The following ANKS1A variants were observed in gnomAD, a reference collection of about 807,000 sequenced individuals.
The protein encoded by ANKS1A is ankyrin repeat and sterile alpha motif domain containing 1A.
A neutral mutation model predicts 120.3 loss-of-function variants in ANKS1A; 55 were observed. That is an observed-to-expected ratio of 0.46 (90% CI 0.37 to 0.57). The LOEUF (loss-of-function observed/expected upper bound fraction) is 0.57, where lower values mean the gene tolerates loss of function less well. Among genes scored for constraint, ANKS1A ranks in the 20% least tolerant of loss-of-function variants. The probability of loss-of-function intolerance (pLI) is 0.00; values close to 1 mark genes in which losing one functional copy is unlikely to be tolerated. For missense variants in ANKS1A, 1,123 were observed against 1,480.3 expected (o/e 0.76, Z 3.96); for synonymous variants, 590 against 604.7 (o/e 0.98, Z 0.36).
chr6:35,059,547 C>T (rs1261351170), intron 12 of ANKS1A, among the ~76,000 whole-genome samples: 8 of 152,356 alleles, frequency 5.3e-5, no homozygotes, highest in African/African-American at 1.4e-4. Flanking sequence ...GAACAGCCGC[C>T]GCTGCTGCTT....
chr6:35,065,322 C>T (rs919547859), intron 13 of ANKS1A, among the ~76,000 whole-genome samples: 3 of 152,164 alleles, frequency 2.0e-5, no homozygotes, highest in Non-Finnish European at 2.9e-5. Context: ...TCTCCAGTCC[C>T]CTTTACAGTA....
intron 11 of ANKS1A, among the ~76,000 whole-genome samples, chr6:35,043,747 C>A (rs765339143): frequency 6.6e-6 from 1 of 152,164 alleles, no homozygotes; most frequent in South Asian, 2.1e-4. Context: ...TGGATCTGGG[C>A]CCTTTCTTCC....
At chr6:35,045,862 A>G (rs770211553) in intron 11 of ANKS1A, among the ~76,000 whole-genome samples, 1 of 152,022 alleles carries the variant, frequency 6.6e-6, no homozygotes, top group Non-Finnish European at 1.5e-5. Context: ...AACACCCTGC[A>G]AGTCTTGAGT....
intron 1 of ANKS1A, among the ~76,000 whole-genome samples, chr6:34,918,364 G>A (rs1174573936): frequency 6.6e-6 from 1 of 152,142 alleles, no homozygotes. Context: ...CCAAAATGGG[G>A]GTGGTAATAG....
intron 1 of ANKS1A, among the ~76,000 whole-genome samples, chr6:34,947,142 C>CTTTT (rs71002514): frequency 2.0e-4 from 20 of 101,984 alleles, no homozygotes; most frequent in African/African-American, 4.8e-4. Flanking sequence ...ATAGTAGACT[C>CTTTT]TTTTTTTTTT....
At chr6:34,916,295 T>C (rs1419274177) in intron 1 of ANKS1A, among the ~76,000 whole-genome samples, 1 of 152,192 alleles carries the variant, frequency 6.6e-6, no homozygotes, top group Non-Finnish European at 1.5e-5. Context: ...GCCCAGCCCA[T>C]GTCTGCATCT....
In ANKS1A at chr6:35,086,860, G is replaced by A; in HGVS notation, c.3304-92G>A. The A allele has an allele frequency of 3.9e-6, 5 of 1,276,318 alleles. No homozygotes were observed. The highest frequency in any genetic ancestry group is 5.7e-6 in the Non-Finnish European group (5 of 876,066). 79.1% of individuals were successfully genotyped at this position (1,276,318 alleles called of 1,614,324 possible). A position where few individuals can be genotyped will look rare whatever the true frequency, so the allele number is the denominator to read the frequency against. On this transcript the variant is annotated intron_variant, in intron 22 of 23. Coordinates refer to ENST00000360359, the MANE Select transcript of ANKS1A (RefSeq NM_015245.3). This position sits in a 1 kb window ranked among gnomAD's most constrained non-coding sequence, Gnocchi z 5.1. ...AAGGGCTGCCCCTCCCAGCACAGGGGCCACAGCCTGGCCTGGGGGTGGGAG... is the reference window on the plus strand; with the variant it reads ...AAGGGCTGCCCCTCCCAGCACAGGGACCACAGCCTGGCCTGGGGGTGGGAG...
chr6:35,023,334 CTG>C (rs1774446393), intron 11 of ANKS1A, among the ~76,000 whole-genome samples: 1 of 152,148 alleles, frequency 6.6e-6, no homozygotes, highest in Non-Finnish European at 1.5e-5. Context: ...GTTTTTGGCA[CTG>C]TTTCTATCAA....
At chr6:34,911,018 G>A (rs1397699781) in intron 1 of ANKS1A, among the ~76,000 whole-genome samples, 1 of 152,208 alleles carries the variant, frequency 6.6e-6, no homozygotes, top group African/African-American at 2.4e-5. Context: ...TCTAGTAGAA[G>A]GGTAGTATTC....
intron 1 of ANKS1A, among the ~76,000 whole-genome samples, chr6:34,924,912 C>T (rs779953468): frequency 7.2e-5 from 11 of 152,292 alleles, no homozygotes; most frequent in African/African-American, 9.6e-5. Context: ...TGAGCCACCA[C>T]GCCTGGCCGA....
chr6:35,005,528 A>C (rs902751484), intron 10 of ANKS1A, among the ~76,000 whole-genome samples: 1 of 152,258 alleles, frequency 6.6e-6, no homozygotes, highest in African/African-American at 2.4e-5. Context: ...ACCAAAAGAC[A>C]GTAGCAGAGA....
intron 11 of ANKS1A, chr6:35,039,702 C>T: frequency 2.2e-6 from 1 of 449,728 alleles, no homozygotes; most frequent in South Asian, 1.6e-5. Flanking sequence ...TGTTTCTGCC[C>T]AGGGCTGTAG....
intron 2 of ANKS1A, 127 bp downstream of exon 2, chr6:34,967,446 G>T: frequency 1.3e-6 from 1 of 773,830 alleles, no homozygotes; most frequent in Non-Finnish European, 2.0e-6. Context: ...CCAGCACTTT[G>T]GGAGGCCGAG....
intron 1 of ANKS1A, among the ~76,000 whole-genome samples, chr6:34,932,382 C>T (rs554140547): frequency 4.6e-5 from 7 of 152,216 alleles, no homozygotes; most frequent in South Asian, 4.1e-4. Context: ...AGGGTTTCAC[C>T]GTGTTGGCCA....
intron 11 of ANKS1A, among the ~76,000 whole-genome samples, chr6:35,040,371 C>T (rs954352425): frequency 5.3e-5 from 8 of 152,356 alleles, no homozygotes; most frequent in Middle Eastern, 3.4e-3. Flanking sequence ...CTGCGGCCCT[C>T]GTCTTCCTTT....
rs992268020 is a variant in ANKS1A at position 35,049,768 on chromosome 6, A to G, written c.2011-4331A>G. Among the ~76,000 whole-genome samples, 3 of 152,188 alleles carry G rather than the reference A, an allele frequency of 2.0e-5. No homozygotes were observed. In the East Asian group the frequency reaches 5.8e-4, roughly 29 times the overall value. On this transcript the variant is annotated intron_variant, in intron 11 of 23. Transcript: ENST00000360359. Reference sequence around the variant, plus strand: ...CCATCCTCCTCTACATGGGGCCCCAACGAAAGACATATTGACCAGACTGAT... The same window carrying G: ...CCATCCTCCTCTACATGGGGCCCCAGCGAAAGACATATTGACCAGACTGAT...
intron 10 of ANKS1A, among the ~76,000 whole-genome samples, chr6:34,997,049 C>T (rs1772891886): frequency 6.6e-6 from 1 of 152,118 alleles, no homozygotes; most frequent in Non-Finnish European, 1.5e-5. Flanking sequence ...TTGATTTCTT[C>T]TCCATCCCCA....
intron 1 of ANKS1A, among the ~76,000 whole-genome samples, chr6:34,946,828 T>C (rs1312819572): frequency 6.6e-6 from 1 of 152,220 alleles, no homozygotes; most frequent in Admixed American, 6.5e-5. Flanking sequence ...CCATAGACTT[T>C]CTAAGGCTTT....
At chr6:35,065,208 C>G (rs537196024) in intron 13 of ANKS1A, among the ~76,000 whole-genome samples, 1 of 143,046 alleles carries the variant, frequency 7.0e-6, no homozygotes, top group East Asian at 2.4e-4. Context: ...GCACCTCTTG[C>G]CCCCCCTCCC....
Sources: gnomAD v4.1 joint callset for allele counts (sites outside exome capture counted in the v4.1 genomes callset) on GRCh38, gnomAD v4.1.1 for gene constraint, Gnocchi (gnomAD v3.1) non-coding constraint, MANE v1.5 for transcripts, NCBI Gene and HGNC (gene_info 2026-07-23, HGNC 2026-07-21) for gene names.